The following NLGN1 variants were observed in gnomAD, a reference collection of about 807,000 sequenced individuals.
The protein encoded by NLGN1 is neuroligin 1.
Under a neutral mutation model 65.5 loss-of-function variants are expected in NLGN1, and 12 were observed. The ratio of observed to expected loss-of-function variants is 0.18; its 90% CI spans 0.12 to 0.30. The LOEUF is 0.30. Among genes scored for constraint, NLGN1 ranks in the 10% least tolerant of loss-of-function variants. The pLI, the probability that NLGN1 is intolerant of heterozygous loss-of-function variation, is 1.00. For synonymous variants in NLGN1, 350 were observed against 359.5 expected, an observed-to-expected ratio of 0.97 and a Z score of 0.30; for missense variants, 750 against 1,007.1, an observed-to-expected ratio of 0.74 and a Z score of 3.46.
At chr3:173,551,644 A>G (rs1740878282) in intron 2 of NLGN1, among the ~76,000 whole-genome samples, 2 of 152,220 alleles carry the variant, frequency 1.3e-5, no homozygotes, top group South Asian at 4.1e-4. Context: ...ACTTGCTTCA[A>G]GAGAAAACTT....
At chr3:174,088,607 G>A (rs925154486) in intron 4 of NLGN1, among the ~76,000 whole-genome samples, 1 of 151,748 alleles carries the variant, frequency 6.6e-6, no homozygotes, top group Admixed American at 6.6e-5. Context: ...ACAAAAATTA[G>A]CCGGGCGCGG....
At chr3:174,157,483 A>AT (rs888495371) in intron 4 of NLGN1, among the ~76,000 whole-genome samples, 10 of 151,530 alleles carry the variant, frequency 6.6e-5, no homozygotes, top group Non-Finnish European at 1.0e-4. Flanking sequence ...TCAGATATTC[A>AT]TTTTTTTTAA....
At chr3:173,927,281 C>G (rs1208377142) in intron 4 of NLGN1, among the ~76,000 whole-genome samples, 1 of 152,180 alleles carries the variant, frequency 6.6e-6, no homozygotes, top group African/African-American at 2.4e-5. Context: ...TCAGGCTGGT[C>G]TCAAACTCCT....
rs1309135687 is a variant in NLGN1, at chr3:174,096,242, AAATAT to A, written c.647-179066_647-179062del. 5.3e-5 allele frequency among the ~76,000 whole-genome samples: 8 copies of A among 149,824 alleles called. No individual in the cohort carries two copies. The South Asian group carries it at 6.3e-4, about 12-fold the overall frequency. ...ATGTATATATGCATATAATATACAT[AAATAT>A]AATATATGTAATATATAAACGTACT... On this transcript the variant is annotated intron_variant, in intron 4 of 6. Transcript: ENST00000457714.
At chr3:173,455,546 A>G (rs749034671) in intron 2 of NLGN1, among the ~76,000 whole-genome samples, 1 of 152,180 alleles carries the variant, frequency 6.6e-6, no homozygotes, top group Non-Finnish European at 1.5e-5. Context: ...GAATTACCAA[A>G]ATATGGCACA....
At chr3:173,841,146 G>GTT (rs1724699489) in intron 4 of NLGN1, among the ~76,000 whole-genome samples, 3 of 51,924 alleles carry the variant, frequency 5.8e-5, no homozygotes, top group East Asian at 2.1e-4. Context: ...TATATCTATA[G>GTT]TTATATATAT....
intron 4 of NLGN1, among the ~76,000 whole-genome samples, chr3:173,994,046 A>T (rs1237797617): frequency 6.6e-6 from 1 of 152,102 alleles, no homozygotes; most frequent in African/African-American, 2.4e-5. Context: ...GCCATAAAGG[A>T]TTTTGAATGT....
At chr3:174,036,438 T>C (rs1203692941) in intron 4 of NLGN1, among the ~76,000 whole-genome samples, 3 of 152,114 alleles carry the variant, frequency 2.0e-5, no homozygotes, top group Non-Finnish European at 4.4e-5. Context: ...AGATCAATAG[T>C]GTAATTCTAA....
intron 4 of NLGN1, among the ~76,000 whole-genome samples, chr3:173,898,333 A>G (rs946545273): frequency 5.3e-5 from 8 of 152,190 alleles, no homozygotes; most frequent in East Asian, 1.9e-4. Context: ...AAATACTGCA[A>G]TTTCTTAGTA....
chr3:174,083,263 T>G (rs1742600388), intron 4 of NLGN1, among the ~76,000 whole-genome samples: 1 of 152,134 alleles, frequency 6.6e-6, no homozygotes, highest in African/African-American at 2.4e-5. Context: ...CCTTAGCAAG[T>G]TAGCTCAACT....
intron 3 of NLGN1, among the ~76,000 whole-genome samples, chr3:173,670,123 C>G (rs1260103659): frequency 6.6e-6 from 1 of 152,094 alleles, no homozygotes; most frequent in South Asian, 2.1e-4. Context: ...GTGTTGAATT[C>G]TAGATCTTAA....
intron 4 of NLGN1, among the ~76,000 whole-genome samples, chr3:173,949,026 AT>A (rs924925172): frequency 2.0e-5 from 3 of 151,636 alleles, no homozygotes; most frequent in East Asian, 1.9e-4. Flanking sequence ...TCTTCACTAA[AT>A]TTTTTTTTAA....
chr3:173,740,156 A>C (rs948029507), intron 3 of NLGN1, among the ~76,000 whole-genome samples: 5 of 152,132 alleles, frequency 3.3e-5, no homozygotes, highest in Admixed American at 1.3e-4. Flanking sequence ...CATTGCAATA[A>C]GAACATAAAA....
exon 5 of NLGN1, chr3:174,275,363 T>G (rs1339456636): frequency 1.9e-6 from 3 of 1,612,602 alleles, no homozygotes; most frequent in Non-Finnish European, 2.5e-6. Context: ...TATGGACTCC[T>G]TGATCTCATA....
At chr3:173,436,766 G>A (rs2148773558) in intron 2 of NLGN1, among the ~76,000 whole-genome samples, 1 of 152,210 alleles carries the variant, frequency 6.6e-6, no homozygotes, top group Middle Eastern at 3.4e-3. Flanking sequence ...GAGAGTTTGG[G>A]TTAAAACCCC....
chr3:173,560,037 G>A (rs149117730), intron 2 of NLGN1, among the ~76,000 whole-genome samples: 339 of 150,598 alleles, frequency 2.3e-3, no homozygotes, highest in African/African-American at 8.1e-3. Context: ...TCCGCCTTCC[G>A]GGTTCACGCC....
chr3:173,695,293 C>T (rs956843862), intron 3 of NLGN1, among the ~76,000 whole-genome samples: 1 of 152,100 alleles, frequency 6.6e-6, no homozygotes, highest in African/African-American at 2.4e-5. Context: ...AGTCAGTCCC[C>T]ATGTTTCAAA....
At chr3:173,547,436 G>A (rs1339972805) in intron 2 of NLGN1, among the ~76,000 whole-genome samples, 1 of 152,192 alleles carries the variant, frequency 6.6e-6, no homozygotes, top group East Asian at 1.9e-4. Flanking sequence ...AATGTGCTGC[G>A]GAGCCTGGGT....
At chr3:173,501,820 A>G (rs1224746700) in intron 2 of NLGN1, among the ~76,000 whole-genome samples, 2 of 152,016 alleles carry the variant, frequency 1.3e-5, no homozygotes, top group Non-Finnish European at 2.9e-5. Context: ...AAGGAAATTG[A>G]TTTTTCTCTT....
Sources: gnomAD v4.1 joint callset for allele counts (sites outside exome capture counted in the v4.1 genomes callset) on GRCh38, gnomAD v4.1.1 for gene constraint, MANE v1.5 for transcripts, NCBI Gene and HGNC (gene_info 2026-07-23, HGNC 2026-07-21) for gene names.